Variants in CHODL observed in about 807,000 individuals in gnomAD.
CHODL encodes the protein transmembrane protein MT75.
Under a neutral mutation model 34.5 loss-of-function variants are expected in CHODL, and 29 were observed. The observed-to-expected ratio is 0.84, with a 90% CI of 0.63 to 1.15. The LOEUF (loss-of-function observed/expected upper bound fraction) is 1.15. Ranked by LOEUF, CHODL falls within the 50% of genes most tolerant of loss-of-function variation. CHODL has a pLI of 0.00. For missense variants in CHODL, 332 were observed against 332.5 expected, an observed-to-expected ratio of 1.00 and a Z score of 0.01; for synonymous variants, 125 against 116.1, an observed-to-expected ratio of 1.08 and a Z score of -0.49.
chr21:18,092,209 C>T (rs1390143967), intron 2 of CHODL, among the ~76,000 whole-genome samples: 1 of 152,072 alleles, frequency 6.6e-6, no homozygotes, highest in African/African-American at 2.4e-5. Context: ...AAAAAAATCC[C>T]AAAGTCTCTG....
intron 2 of CHODL, among the ~76,000 whole-genome samples, chr21:18,144,771 G>A (rs918415164): frequency 6.6e-6 from 1 of 150,954 alleles, no homozygotes; most frequent in Non-Finnish European, 1.5e-5. Context: ...TCTTTCTATG[G>A]TATCATTGAA....
chr21:18,247,144 A>T (rs549846315), intron 1 of CHODL, among the ~76,000 whole-genome samples: 3 of 152,290 alleles, frequency 2.0e-5, no homozygotes, highest in Admixed American at 2.0e-4. Context: ...CAGAGAACAG[A>T]GCAGCCTGAA....
At chr21:18,159,235 T>C (rs1384612365) in intron 2 of CHODL, among the ~76,000 whole-genome samples, 2 of 152,182 alleles carry the variant, frequency 1.3e-5, no homozygotes, top group South Asian at 2.1e-4. Flanking sequence ...AAAATGTCAA[T>C]ATCATCAAGG....
intron 2 of CHODL, among the ~76,000 whole-genome samples, chr21:18,189,665 C>T (rs937709546): frequency 7.1e-5 from 10 of 141,044 alleles, no homozygotes; most frequent in African/African-American, 2.1e-4. Flanking sequence ...GATAGAGTCT[C>T]GCTCTGTCAC....
intron 2 of CHODL, among the ~76,000 whole-genome samples, chr21:18,133,816 C>G (rs1415318981): frequency 6.6e-6 from 1 of 152,194 alleles, no homozygotes; most frequent in Non-Finnish European, 1.5e-5. Context: ...CACACTCATA[C>G]TGCCTATTGT....
chr21:18,040,557 A>G (rs1349489340), intron 2 of CHODL, among the ~76,000 whole-genome samples: 1 of 151,862 alleles, frequency 6.6e-6, no homozygotes. Context: ...ATAAAATGGT[A>G]TATTTGCTGA....
At chr21:18,234,211 C>T (rs1016026508) in intron 2 of CHODL, among the ~76,000 whole-genome samples, 14 of 152,068 alleles carry the variant, frequency 9.2e-5, no homozygotes, top group Non-Finnish European at 1.3e-4. Flanking sequence ...ATCAGAGTCC[C>T]CTCTGTGAGC....
intron 2 of CHODL, among the ~76,000 whole-genome samples, chr21:18,207,947 G>A (rs1388024156): frequency 6.6e-6 from 1 of 151,628 alleles, no homozygotes; most frequent in Non-Finnish European, 1.5e-5. Flanking sequence ...AGTCTTCTTC[G>A]GGTTATATCT....
intron 2 of CHODL, among the ~76,000 whole-genome samples, chr21:18,098,309 A>T (rs922925922): frequency 6.6e-6 from 1 of 152,080 alleles, no homozygotes; most frequent in African/African-American, 2.4e-5. Context: ...CAGACTACCC[A>T]TATGATAAGG....
chr21:18,095,119 G>T (rs1278666587), intron 2 of CHODL, among the ~76,000 whole-genome samples: 2 of 119,934 alleles, frequency 1.7e-5, no homozygotes, highest in Admixed American at 8.1e-5. Flanking sequence ...TTGAGACTTT[G>T]TCTCAAAAAA....
intron 2 of CHODL, among the ~76,000 whole-genome samples, chr21:18,144,279 G>A (rs1293141067): frequency 6.6e-6 from 1 of 152,002 alleles, no homozygotes; most frequent in Non-Finnish European, 1.5e-5. Context: ...GGCACTTATA[G>A]AACATTTTTT....
intron 1 of CHODL, among the ~76,000 whole-genome samples, chr21:17,935,465 C>T (rs1028462075): frequency 2.0e-5 from 3 of 152,196 alleles, no homozygotes; most frequent in African/African-American, 7.2e-5. Flanking sequence ...CACAAGCACA[C>T]TCTGATTAGG....
rs60831474 is a variant in CHODL at position 17,990,384 on chromosome 21, G to A, written c.-144-37488G>A. 8.4e-3 allele frequency among the ~76,000 whole-genome samples: 1,273 copies of A among 152,082 alleles called. 13 individuals are homozygous for A. Among genetic ancestry groups the A allele is most frequent in the African/African-American group, 0.029 (1,196 of 41,530 alleles). On this transcript the variant is annotated intron_variant, in intron 1 of 6. Coordinates refer to the CHODL transcript ENST00000400127. ...CAGTAAGTTTCATTTCTTAAAAGCT[G>A]AAGATATTTTCCTGTCAATTCTGCC... is the stretch of plus-strand genomic sequence containing the variant.
At chr21:17,935,890 C>G (rs2063315089) in intron 1 of CHODL, among the ~76,000 whole-genome samples, 1 of 152,162 alleles carries the variant, frequency 6.6e-6, no homozygotes, top group Non-Finnish European at 1.5e-5. Context: ...AGTGCATACA[C>G]TATTTGAAAG....
At chr21:18,025,663 C>G (rs2064167775) in intron 1 of CHODL, among the ~76,000 whole-genome samples, 1 of 151,876 alleles carries the variant, frequency 6.6e-6, no homozygotes, top group Admixed American at 6.6e-5. Context: ...TAACAAAATA[C>G]CCCCAGACTG....
intron 1 of CHODL, among the ~76,000 whole-genome samples, chr21:17,988,457 T>C (rs551830911): frequency 1.7e-3 from 242 of 145,900 alleles, no homozygotes; most frequent in Middle Eastern, 6.8e-3. Context: ...TGCAGGTTAG[T>C]TACATATGTA....
intron 2 of CHODL, among the ~76,000 whole-genome samples, chr21:18,225,175 T>C (rs1483230221): frequency 1.3e-5 from 2 of 152,162 alleles, no homozygotes; most frequent in African/African-American, 2.4e-5. Context: ...ACTTGTGTTA[T>C]TACATAAAAT....
At chr21:18,245,462 T>C (rs1301566302) in intron 1 of CHODL, among the ~76,000 whole-genome samples, 160 bp downstream of exon 1, 3 of 151,970 alleles carry the variant, frequency 2.0e-5, no homozygotes, top group Non-Finnish European at 4.4e-5. Flanking sequence ...GCTGTTCTCC[T>C]CCCTCTCTTC....
chr21:18,232,086 T>C (rs1568946886), intron 2 of CHODL, among the ~76,000 whole-genome samples: 1 of 152,014 alleles, frequency 6.6e-6, no homozygotes, highest in Non-Finnish European at 1.5e-5. Context: ...GTCTTCAACA[T>C]TTCTACCATT....
Sources: gnomAD v4.1 joint callset for allele counts (sites outside exome capture counted in the v4.1 genomes callset) on GRCh38, gnomAD v4.1.1 for gene constraint, MANE v1.5 for transcripts, NCBI Gene and HGNC (gene_info 2026-07-23, HGNC 2026-07-21) for gene names.